SH3GL2: variants seen among roughly 807,000 people sequenced by gnomAD.
SH3GL2 encodes the protein endophilin-A1.
SH3GL2 carries 24 observed loss-of-function variants against 46.0 expected under a neutral mutation model. That is an observed-to-expected ratio of 0.52 (90% CI 0.38 to 0.73). SH3GL2 has a LOEUF of 0.73. Among genes scored for constraint, SH3GL2 ranks in the 30% least tolerant of loss-of-function variants. SH3GL2 has a pLI of 0.00. For synonymous variants in SH3GL2, 196 were observed against 147.1 expected (o/e 1.33, Z -2.40); for missense variants, 413 against 424.2 (o/e 0.97, Z 0.23).
At chr9:17,654,078 G>C (rs1380059312) in intron 1 of SH3GL2, among the ~76,000 whole-genome samples, 2 of 152,100 alleles carry the variant, frequency 1.3e-5, no homozygotes, top group African/African-American at 4.8e-5. Context: ...GCTTCTAGAA[G>C]GTGTCAAGAC....
chr9:17,746,979 T>C (rs555771326), intron 1 of SH3GL2, 87 bp from the exon 2 acceptor site: 3 of 836,604 alleles, frequency 3.6e-6, no homozygotes, highest in African/African-American at 3.4e-5. Flanking sequence ...TTACATTAGA[T>C]GACATTTGTG....
Position 17,649,645 on chromosome 9 carries a change from G to GT in SH3GL2, c.45+70359dup, listed in dbSNP as rs1385694397. On this transcript the variant is annotated intron_variant, in intron 1 of 8. Coordinates refer to ENST00000380607, the MANE Select transcript of SH3GL2 (RefSeq NM_003026.5). ...ACACAAGGGAGTTTGCTTTATTAGA[G>GT]TAACTGCAAATGAGGCAACAAAATT... Among the ~76,000 whole-genome samples the GT allele has an allele frequency of 2.2e-4, 34 of 152,310 alleles. 1 individual carries two copies. Among genetic ancestry groups the GT allele is most frequent in the Admixed American group, 1.8e-3 (27 of 15,296 alleles).
At chr9:17,742,683 A>T (rs1196831524) in intron 1 of SH3GL2, among the ~76,000 whole-genome samples, 1 of 152,204 alleles carries the variant, frequency 6.6e-6, no homozygotes, top group Admixed American at 6.5e-5. Flanking sequence ...AAAGAATAAG[A>T]GGAAAATGAG....
At chr9:17,736,439 G>T (rs1822337358) in intron 1 of SH3GL2, among the ~76,000 whole-genome samples, 1 of 151,970 alleles carries the variant, frequency 6.6e-6, no homozygotes, top group South Asian at 2.1e-4. Context: ...ATGCCCCCTG[G>T]TTGTCCATCC....
chr9:17,605,209 C>A (rs1023470810), intron 1 of SH3GL2, among the ~76,000 whole-genome samples: 4 of 151,978 alleles, frequency 2.6e-5, no homozygotes, highest in African/African-American at 9.7e-5. Flanking sequence ...GAACACCTGG[C>A]CTCAAATGAT....
chr9:17,774,859 G>A (rs959047835), intron 3 of SH3GL2, among the ~76,000 whole-genome samples: 3 of 152,138 alleles, frequency 2.0e-5, no homozygotes, highest in Non-Finnish European at 4.4e-5. Context: ...AGGAGAGTTG[G>A]TGTTAGTTCT....
chr9:17,666,564 GTGTGTGTGTGTGTGTA>G, intron 1 of SH3GL2, among the ~76,000 whole-genome samples: 1 of 135,008 alleles, frequency 7.4e-6, no homozygotes, highest in Non-Finnish European at 1.6e-5. Flanking sequence ...GTGTGTGTGT[GTGTGTGTGTGTGTGTA>G]TATACATTAA....
intron 1 of SH3GL2, among the ~76,000 whole-genome samples, chr9:17,637,745 G>C (rs1451943528): frequency 6.6e-6 from 1 of 152,196 alleles, no homozygotes; most frequent in Non-Finnish European, 1.5e-5. Context: ...CAACCTAAGT[G>C]GGTGCTTTAT....
intron 1 of SH3GL2, among the ~76,000 whole-genome samples, chr9:17,623,029 TCCTTTCCTTTCCTTC>T (rs1819187057): frequency 9.5e-6 from 1 of 105,702 alleles, no homozygotes; most frequent in African/African-American, 4.0e-5. Context: ...TCCTTTCCTT[TCCTTTCCTTTCCTTC>T]CCCTTCCCCT....
At chr9:17,775,583 T>C (rs1823619721) in intron 3 of SH3GL2, among the ~76,000 whole-genome samples, 1 of 152,196 alleles carries the variant, frequency 6.6e-6, no homozygotes, top group Non-Finnish European at 1.5e-5. Context: ...GACCAGATAG[T>C]AGCAATTAAT....
intron 1 of SH3GL2, among the ~76,000 whole-genome samples, chr9:17,715,398 A>T (rs1821726274): frequency 6.6e-6 from 1 of 151,000 alleles, no homozygotes; most frequent in East Asian, 1.9e-4. Context: ...CTTTTTCAAA[A>T]TTTTTTTTGT....
chr9:17,761,521 T>C lies in SH3GL2; in HGVS notation c.187+12T>C. 6.7e-7 allele frequency: 1 copy of C among 1,485,672 alleles called. No individual in the cohort carries two copies. Among genetic ancestry groups the C allele is most frequent in the Non-Finnish European group, 9.4e-7 (1 of 1,062,894 alleles). The allele number at this position is 1,485,672 out of a possible 1,614,324, so 92.0% of individuals were successfully genotyped here. On this transcript the variant is annotated intron_variant, in intron 3 of 8. Coordinates refer to ENST00000380607, the MANE Select transcript of SH3GL2 (RefSeq NM_003026.5). ...TCAACCCAATCCAGGTAAGGCATCA[T>C]CTTATATGTTTAAAGGATCCCTCGA...
intron 1 of SH3GL2, among the ~76,000 whole-genome samples, chr9:17,580,294 G>A (rs118073773): frequency 6.6e-6 from 1 of 152,138 alleles, no homozygotes. Context: ...TCATAGGTTA[G>A]CCTTAATTAA....
chr9:17,680,708 T>C (rs1463458745), intron 1 of SH3GL2, among the ~76,000 whole-genome samples: 1 of 152,212 alleles, frequency 6.6e-6, no homozygotes, highest in Non-Finnish European at 1.5e-5. Context: ...TCTAGTTCTT[T>C]TAATTGTGAT....
In SH3GL2 at chr9:17,591,992, T is replaced by C. The variant is rs139702656; in HGVS notation, c.45+12705T>C. 6.1e-3 allele frequency among the ~76,000 whole-genome samples: 932 copies of C among 152,348 alleles called. 3 individuals carry two copies. The highest frequency in any genetic ancestry group is 0.027 in the Middle Eastern group (8 of 294). On this transcript the variant is annotated intron_variant, in intron 1 of 8. Coordinates refer to ENST00000380607, the MANE Select transcript of SH3GL2 (RefSeq NM_003026.5). Reference sequence around the variant, plus strand: ...AAACAGAACCAACATGATATGTAGATACATGAGAGGGATTTATTATGGGAA... The same window carrying C: ...AAACAGAACCAACATGATATGTAGACACATGAGAGGGATTTATTATGGGAA...
intron 1 of SH3GL2, among the ~76,000 whole-genome samples, chr9:17,685,823 C>T (rs1007517283): frequency 1.3e-5 from 2 of 152,010 alleles, no homozygotes; most frequent in Admixed American, 1.3e-4. Flanking sequence ...GTTTTGGTAC[C>T]AGTACCATGC....
intron 1 of SH3GL2, among the ~76,000 whole-genome samples, chr9:17,694,679 T>C (rs929839030): frequency 6.6e-6 from 1 of 152,152 alleles, no homozygotes; most frequent in Admixed American, 6.6e-5. Flanking sequence ...GAAATGAACA[T>C]ATTCACCTCT....
chr9:17,760,304 A>G (rs1823132891), intron 2 of SH3GL2, among the ~76,000 whole-genome samples: 1 of 152,192 alleles, frequency 6.6e-6, no homozygotes, highest in Non-Finnish European at 1.5e-5. Context: ...CAGTAATATG[A>G]CTGCCATGGA....
chr9:17,582,647 T>G (rs1818298302), intron 1 of SH3GL2, among the ~76,000 whole-genome samples: 2 of 152,244 alleles, frequency 1.3e-5, no homozygotes, highest in African/African-American at 4.8e-5. Flanking sequence ...TTTATGAGTT[T>G]GCTGGAGCTG....
Sources: gnomAD v4.1 joint callset for allele counts (sites outside exome capture counted in the v4.1 genomes callset) on GRCh38, gnomAD v4.1.1 for gene constraint, MANE v1.5 for transcripts, NCBI Gene and HGNC (gene_info 2026-07-23, HGNC 2026-07-21) for gene names.